MYH9: variants seen among roughly 807,000 people sequenced by gnomAD.
MYH9 encodes myosin-9.
A neutral mutation model predicts 241.9 loss-of-function variants in MYH9; 29 were observed. The ratio of observed to expected loss-of-function variants is 0.12; its 90% CI spans 0.09 to 0.16. The LOEUF (loss-of-function observed/expected upper bound fraction) is 0.16. Ranked by LOEUF, MYH9 falls within the 10% of genes least tolerant of loss-of-function variation. The pLI is 1.00. For missense variants in MYH9, 1,803 were observed against 2,595.5 expected (o/e 0.69, Z 6.63); for synonymous variants, 1,047 against 1,062.6 (o/e 0.99, Z 0.29).
At position 36,306,334 on chromosome 22, in the gene MYH9, C is replaced by T; in HGVS notation, c.2037+80G>A. The T allele has an allele frequency of 6.4e-7, 1 of 1,568,412 alleles. No individual in the cohort carries two copies. The highest frequency in any genetic ancestry group is 8.7e-7 in the Non-Finnish European group (1 of 1,149,164). ...TGCATGCTGGGGGGCTGGAGGGGTG[C>T]TTTTGCTGGGGAGACAGACAAGGGC... On this transcript the variant is annotated intron_variant, in intron 16 of 40. Transcript: ENST00000216181. The surrounding 1 kb of genome is among the most constrained non-coding windows in gnomAD (Gnocchi z 4.1).
intron 1 of MYH9, among the ~76,000 whole-genome samples, chr22:36,368,487 C>T (rs1359094717): frequency 6.6e-6 from 1 of 152,178 alleles, no homozygotes. Flanking sequence ...TCTGGCAAGG[C>T]GTCACATAGG....
chr22:36,287,612 T>G (rs985678915), intron 34 of MYH9, among the ~76,000 whole-genome samples: 2 of 152,056 alleles, frequency 1.3e-5, no homozygotes, highest in South Asian at 2.1e-4. Flanking sequence ...CGTGGCGGCG[T>G]GCGCCTGTAG....
At chr22:36,337,302 A>G (rs1052217108) in intron 3 of MYH9, among the ~76,000 whole-genome samples, 6 of 152,140 alleles carry the variant, frequency 3.9e-5, no homozygotes, top group African/African-American at 1.2e-4. Context: ...CCCACCCCCA[A>G]CAGAGAATCA....
At chr22:36,290,371 T>TA (rs542496689) in intron 31 of MYH9, among the ~76,000 whole-genome samples, 32 of 151,342 alleles carry the variant, frequency 2.1e-4, no homozygotes, top group Non-Finnish European at 3.5e-4. Context: ...CAAACTATTT[T>TA]AAAAAAACCC....
chr22:36,317,545 G>A (rs2017177951), intron 11 of MYH9, among the ~76,000 whole-genome samples: 1 of 152,228 alleles, frequency 6.6e-6, no homozygotes, highest in East Asian at 1.9e-4. Context: ...GCCGTGAGCT[G>A]TCAGTGTACA....
chr22:36,357,820 G>A (rs1331479463), intron 1 of MYH9, among the ~76,000 whole-genome samples: 1 of 152,156 alleles, frequency 6.6e-6, no homozygotes, highest in African/African-American at 2.4e-5. Context: ...TATTCTAAGA[G>A]ATCTGACCTA....
At position 36,306,578 on chromosome 22, in the gene MYH9, C is replaced by T; in HGVS notation, c.1873G>A (p.Ala625Thr). 6.2e-7 allele frequency: 1 copy of T among 1,613,756 alleles called. No homozygotes were observed. Among genetic ancestry groups the T allele is most frequent in the Non-Finnish European group, 8.5e-7 (1 of 1,180,012 alleles). The change falls in exon 16 of 41, where the codon GCC (alanine) becomes ACC (threonine). Residue 625 changes from alanine (A) to threonine (T), a missense_variant. Transcript: ENST00000216181. This position sits in a 1 kb window ranked among gnomAD's most constrained non-coding sequence, Gnocchi z 4.1. ...VDRIIGLDQV[A>T]GMSETALPGA... is the part of the protein sequence containing the mutation. ...GGCAGTGCGGTCTCCGACATGCCGG[C>T]CACCTGGTCCAGGCCGATGATGCGG...
At position 36,288,216 on chromosome 22, in the gene MYH9, G is replaced by C. The variant is rs1569534785; in HGVS notation, c.4932+36C>G. ...TCATATGTAGTTGGCTCAGTCGGGT[G>C]CCGCCCACCCTCACCTGGGCCCCGC... On this transcript the variant is annotated intron_variant, in intron 34 of 40. Coordinates refer to ENST00000216181, the MANE Select transcript of MYH9 (RefSeq NM_002473.6). The surrounding 1 kb of genome is among the most constrained non-coding windows in gnomAD (Gnocchi z 4.8). 2 of 1,611,524 alleles carry C rather than the reference G, an allele frequency of 1.2e-6. No individual in the cohort carries two copies. Among genetic ancestry groups the C allele is most frequent in the East Asian group, 4.5e-5 (2 of 44,886 alleles).
At chr22:36,302,770 C>A (rs2016902115) in intron 19 of MYH9, 94 bp from the exon 20 acceptor site, 2 of 1,102,232 alleles carry the variant, frequency 1.8e-6, no homozygotes, top group Non-Finnish European at 1.4e-6. Flanking sequence ...TGGGGGTCTA[C>A]CCTTGCCTGG....
At chr22:36,356,502 A>G (rs949386611) in intron 1 of MYH9, among the ~76,000 whole-genome samples, 3 of 146,438 alleles carry the variant, frequency 2.0e-5, no homozygotes, top group Admixed American at 1.4e-4. Context: ...AATCGCTTGA[A>G]CCCAGGAGGC....
chr22:36,326,866 G>A (rs906781868), intron 4 of MYH9, among the ~76,000 whole-genome samples: 4 of 152,222 alleles, frequency 2.6e-5, no homozygotes, highest in African/African-American at 7.2e-5. Flanking sequence ...CCAGACAGAA[G>A]TAAACTGAAA....
chr22:36,363,590 T>C lies in MYH9; in HGVS notation c.-19-14335A>G, dbSNP rs143005031. Among the ~76,000 whole-genome samples the C allele has an allele frequency of 5.5e-3, 842 of 152,304 alleles. 4 individuals carry two copies. Among genetic ancestry groups the C allele is most frequent in the Admixed American group, 8.6e-3 (132 of 15,300 alleles). ...CAGATAAGTCATCTACACTGGACCC[T>C]TGGCTTTGCTTTTAATTGGTTCAAT... On this transcript the variant is annotated intron_variant, in intron 1 of 40. Coordinates refer to ENST00000216181, the MANE Select transcript of MYH9 (RefSeq NM_002473.6).
intron 1 of MYH9, among the ~76,000 whole-genome samples, chr22:36,362,565 T>G (rs1277767324): frequency 1.3e-5 from 2 of 152,164 alleles, no homozygotes; most frequent in Non-Finnish European, 2.9e-5. Context: ...CTTGGCTCAC[T>G]GCAACCTCTG....
chr22:36,319,254 C>T (rs2017209708), intron 10 of MYH9, among the ~76,000 whole-genome samples: 1 of 152,126 alleles, frequency 6.6e-6, no homozygotes, highest in Non-Finnish European at 1.5e-5. Context: ...TAAGGAGGAG[C>T]TACGGCAGAA....
At chr22:36,386,960 G>A (rs1174731095) in intron 1 of MYH9, among the ~76,000 whole-genome samples, 6 of 152,234 alleles carry the variant, frequency 3.9e-5, no homozygotes, top group Non-Finnish European at 8.8e-5. Flanking sequence ...AGCTGCCCCC[G>A]CACCCCGCCC....
In MYH9 at chr22:36,349,003, G is replaced by C. The variant is rs773145674; in HGVS notation, c.234C>G (p.Pro78=). ...NKDDIQKMNP[P]KFSKVEDMAE... The stretch of plus-strand genomic sequence containing the variant: ...CCATGTCCTCCACCTTGGAGAACTT[G>C]GGCGGGTTCATCTTCTGGATGTCAT... The change falls in exon 2 of 41, where the codon CCC becomes CCG. Residue 78 remains proline, a synonymous_variant. Coordinates refer to ENST00000216181, the MANE Select transcript of MYH9 (RefSeq NM_002473.6). 15 of 1,614,228 alleles carry C rather than the reference G, an allele frequency of 9.3e-6. No homozygotes were observed. In the East Asian group the frequency reaches 3.3e-4, roughly 36 times the overall value.
intron 2 of MYH9, among the ~76,000 whole-genome samples, chr22:36,347,172 C>A (rs2017690008): frequency 6.6e-6 from 1 of 152,094 alleles, no homozygotes; most frequent in Non-Finnish European, 1.5e-5. Context: ...TGCTCATCTC[C>A]CTGTCTCCTA....
chr22:36,291,986 C>T lies in MYH9; in HGVS notation c.4344G>A (p.Gln1448=), dbSNP rs201492937. ...NLEKKQKKFD[Q]LLAEEKTISA... The stretch of plus-strand genomic sequence containing the variant: ...AAGGATGGGGCCAACGGCCACACAC[C>T]TGGTCAAACTTCTTCTGCTTCTTCT... Residue 1448 remains glutamine (Q), a splice_region_variant and synonymous_variant, in exon 31 of 41, where the codon CAG becomes CAA. Transcript: ENST00000216181. 5 of 1,614,070 alleles carry T rather than the reference C, an allele frequency of 3.1e-6. No homozygotes were observed. The highest frequency in any genetic ancestry group is 1.3e-5 in the African/African-American group (1 of 74,948).
At chr22:36,365,986 C>T (rs1358942766) in intron 1 of MYH9, among the ~76,000 whole-genome samples, 2 of 151,960 alleles carry the variant, frequency 1.3e-5, no homozygotes, top group Admixed American at 6.6e-5. Context: ...GTCAGGAGTT[C>T]AAGACAGCCT....
Sources: allele counts gnomAD v4.1 joint callset (sites outside exome capture counted in the v4.1 genomes callset), GRCh38; gene constraint gnomAD v4.1.1; non-coding constraint Gnocchi (gnomAD v3.1); transcripts MANE v1.5; gene names NCBI Gene and HGNC (gene_info 2026-07-23, HGNC 2026-07-21).